NEXMIF: variants seen among roughly 807,000 people sequenced by gnomAD.
NEXMIF encodes neurite extension and migration factor.
Under a neutral mutation model 62.1 loss-of-function variants are expected in NEXMIF, and 8 were observed. That is an observed-to-expected ratio of 0.13 (90% CI 0.08 to 0.23). The LOEUF is 0.23. Ranked by LOEUF, NEXMIF falls within the 10% of genes least tolerant of loss-of-function variation. The pLI, the probability that NEXMIF is intolerant of heterozygous loss-of-function variation, is 1.00. For missense variants in NEXMIF, 976 were observed against 1,113.3 expected, an observed-to-expected ratio of 0.88 and a Z score of 1.75; for synonymous variants, 404 against 416.6, an observed-to-expected ratio of 0.97 and a Z score of 0.37.
At chrX:74,850,186 C>G (rs1283668423) in intron 1 of NEXMIF, among the ~76,000 whole-genome samples, 2 of 112,251 alleles carry the variant, frequency 1.8e-5, no homozygotes, top group Non-Finnish European at 3.8e-5. Flanking sequence ...ACCCACCCAA[C>G]CTGCCACAAC....
chrX:74,796,161 ATT>A lies in NEXMIF; in HGVS notation c.-47-50466_-47-50465del, dbSNP rs1491339014. ...ATATATATTATATATATACATATAT[ATT>A]ATATATATTATATATATACATATAT... On this transcript the variant is annotated intron_variant, in intron 1 of 3. Coordinates refer to ENST00000055682, the MANE Select transcript of NEXMIF (RefSeq NM_001008537.3). Among the ~76,000 whole-genome samples the A allele has an allele frequency of 1.3e-4, 6 of 46,137 alleles. No homozygotes were observed. The East Asian group carries it at 1.7e-3, about 13-fold the overall frequency. 40.1% of individuals were successfully genotyped at this position (46,137 alleles called of 115,157 possible).
At chrX:74,864,827 G>A (rs1274185672) in intron 1 of NEXMIF, among the ~76,000 whole-genome samples, 1 of 110,465 alleles carries the variant, frequency 9.1e-6, no homozygotes, top group African/African-American at 3.3e-5. Flanking sequence ...TCATGCCTCA[G>A]CCTCCTGAGT....
In NEXMIF at chrX:74,803,574, AT is replaced by A. The variant is rs1299559030; in HGVS notation, c.-47-57878del. ...CAGAGCGAGACTCTGTCTCAAAAAA[AT>A]AAATAAATAAATAAATAAATAAATA... is the stretch of plus-strand genomic sequence containing the variant. On this transcript the variant is annotated intron_variant, in intron 1 of 3. Coordinates refer to ENST00000055682, the MANE Select transcript of NEXMIF (RefSeq NM_001008537.3). Among the ~76,000 whole-genome samples, 29 of 108,421 alleles carry A rather than the reference AT, an allele frequency of 2.7e-4. 1 individual carries two copies. The highest frequency in any genetic ancestry group is 9.1e-4 in the African/African-American group (27 of 29,671). The allele number at this position is 108,421 out of a possible 115,157, so 94.2% of individuals were successfully genotyped here.
chrX:74,788,610 G>A (rs375547719), intron 1 of NEXMIF, among the ~76,000 whole-genome samples: 3 of 111,189 alleles, frequency 2.7e-5, no homozygotes, highest in East Asian at 5.7e-4. Flanking sequence ...ATGACATGAT[G>A]TTGCTTACCC....
intron 1 of NEXMIF, among the ~76,000 whole-genome samples, chrX:74,908,538 T>C (rs1224638650): frequency 1.8e-5 from 2 of 112,868 alleles, no homozygotes; most frequent in African/African-American, 3.2e-5. Context: ...CTGGCCTTAA[T>C]GAATCACAAA....
chrX:74,889,398 C>A (rs1192875499), intron 1 of NEXMIF, among the ~76,000 whole-genome samples: 1 of 111,735 alleles, frequency 8.9e-6, no homozygotes, highest in Non-Finnish European at 1.9e-5. Context: ...GATTTAAAGG[C>A]CTCAAGTCCT....
At chrX:74,751,686 CCTCT>C (rs1181591233) in intron 1 of NEXMIF, among the ~76,000 whole-genome samples, 3 of 87,386 alleles carry the variant, frequency 3.4e-5, no homozygotes, top group Non-Finnish European at 4.4e-5. Flanking sequence ...TCCCTCCCTC[CCTCT>C]TTTCTTCCTT....
In NEXMIF at chrX:74,757,031, C is replaced by T. The variant is rs191144239; in HGVS notation, c.-47-11334G>A. Among the ~76,000 whole-genome samples, 16 of 111,921 alleles carry T rather than the reference C, an allele frequency of 1.4e-4. No individual in the cohort carries two copies. In the East Asian group the frequency reaches 3.7e-3, roughly 26 times the overall value. ...GAGAGGGCAAGGATGAACGCTGTTT[C>T]CTGCAACTACAGTGTACACTTACCT... On this transcript the variant is annotated intron_variant, in intron 1 of 3. Coordinates refer to ENST00000055682, the MANE Select transcript of NEXMIF (RefSeq NM_001008537.3).
chrX:74,799,052 AG>A (rs1490387214), intron 1 of NEXMIF, among the ~76,000 whole-genome samples: 1 of 110,559 alleles, frequency 9.0e-6, no homozygotes, highest in African/African-American at 3.3e-5. Context: ...TTTTGTAGGG[AG>A]GGGGTCTTGC....
At chrX:74,885,441 G>A (rs1242236866) in intron 1 of NEXMIF, among the ~76,000 whole-genome samples, 11 of 111,216 alleles carry the variant, frequency 9.9e-5, no homozygotes, top group Admixed American at 2.9e-4. Flanking sequence ...TCAAATAGAC[G>A]CAATAAAAAA....
At position 74,843,658 on chromosome X, in the gene NEXMIF, C is replaced by T. The variant is rs776328946; in HGVS notation, c.-48+81225G>A. Among the ~76,000 whole-genome samples, 5 of 109,862 alleles carry T rather than the reference C, an allele frequency of 4.6e-5. No homozygotes were observed. The East Asian group carries it at 1.4e-3, about 32-fold the overall frequency. ...GTTGATCTCCTGACCTCGTGATCCG[C>T]CTGCCTCAGCCTCCCAAAGTGCTGG... On this transcript the variant is annotated intron_variant, in intron 1 of 3. Transcript: ENST00000055682.
chrX:74,783,958 C>T (rs1285430750), intron 1 of NEXMIF, among the ~76,000 whole-genome samples: 3 of 111,150 alleles, frequency 2.7e-5, no homozygotes, highest in African/African-American at 9.8e-5. Context: ...TTCCCCTCCA[C>T]ATCCTAGCAT....
Position 74,740,587 on chromosome X carries a change from C to T in NEXMIF, c.3970G>A (p.Ala1324Thr). ...QEPSYILSNI[A>T]SGMADVQRFM... Reference sequence around the variant, plus strand: ...CTCTGCACATCTGCCATACCAGAGGCAATGTTGGACAAGATATAGGAAGGC... The same window carrying T: ...CTCTGCACATCTGCCATACCAGAGGTAATGTTGGACAAGATATAGGAAGGC... Residue 1324 changes from alanine to threonine, a missense_variant, in exon 3 of 4, where the codon GCC becomes ACC. Physicochemically the swap from Ala to Thr is moderately conservative, Grantham distance 58. Coordinates refer to ENST00000055682, the MANE Select transcript of NEXMIF (RefSeq NM_001008537.3). The T allele has an allele frequency of 8.3e-7, 1 of 1,211,816 alleles. No individual in the cohort carries two copies. The highest frequency in any genetic ancestry group is 1.1e-6 in the Non-Finnish European group (1 of 895,495).
intron 1 of NEXMIF, among the ~76,000 whole-genome samples, chrX:74,852,033 A>T (rs757107234): frequency 1.1e-4 from 12 of 110,240 alleles, no homozygotes; most frequent in Non-Finnish European, 1.5e-4. Context: ...GAATGGATTT[A>T]AAAAAAAATG....
intron 1 of NEXMIF, among the ~76,000 whole-genome samples, chrX:74,818,344 A>G (rs2080382844): frequency 9.0e-6 from 1 of 111,549 alleles, no homozygotes; most frequent in African/African-American, 3.3e-5. Context: ...CTGATCTTCA[A>G]CAGTGTCAAC....
chrX:74,799,011 A>C (rs779600167), intron 1 of NEXMIF, among the ~76,000 whole-genome samples: 1 of 110,537 alleles, frequency 9.0e-6, no homozygotes, highest in African/African-American at 3.3e-5. Flanking sequence ...AATGAAGAAA[A>C]TTCTCAAATT....
At chrX:74,785,288 A>G (rs773948868) in intron 1 of NEXMIF, among the ~76,000 whole-genome samples, 5 of 111,019 alleles carry the variant, frequency 4.5e-5, no homozygotes, top group Non-Finnish European at 9.4e-5. Flanking sequence ...AGAAACTGAG[A>G]TCAAATGGCT....
chrX:74,885,828 G>T (rs1019887865), intron 1 of NEXMIF, among the ~76,000 whole-genome samples: 30 of 110,808 alleles, frequency 2.7e-4, no homozygotes, highest in African/African-American at 3.9e-4. Flanking sequence ...TACCAAAGCC[G>T]GGCAGAGACA....
chrX:74,764,193 G>C (rs1315185937), intron 1 of NEXMIF, among the ~76,000 whole-genome samples: 1 of 111,721 alleles, frequency 9.0e-6, no homozygotes, highest in African/African-American at 3.3e-5. Flanking sequence ...GTTGAATTTT[G>C]TCAAAGGCCT....
Sources: allele counts gnomAD v4.1 joint callset (sites outside exome capture counted in the v4.1 genomes callset), GRCh38; gene constraint gnomAD v4.1.1; transcripts MANE v1.5; gene names NCBI Gene and HGNC (gene_info 2026-07-23, HGNC 2026-07-21).